The following NAALADL2 variants were observed in gnomAD, a reference collection of about 807,000 sequenced individuals.
NAALADL2 encodes N-acetylated alpha-linked acidic dipeptidase like 2, also known as inactive N-acetylated-alpha-linked acidic dipeptidase-like protein 2.
In NAALADL2, 76 loss-of-function variants were observed where a neutral mutation model predicts 87.2. The ratio of observed to expected loss-of-function variants is 0.87; its 90% CI spans 0.72 to 1.05. The LOEUF (loss-of-function observed/expected upper bound fraction) is 1.05. Ranked by LOEUF, NAALADL2 falls within the 50% of genes least tolerant of loss-of-function variation. The probability of loss-of-function intolerance (pLI) is 0.00; values close to 1 mark genes in which losing one functional copy is unlikely to be tolerated. For synonymous variants in NAALADL2, 354 were observed against 331.0 expected (o/e 1.07, Z -0.75); for missense variants, 1,089 against 945.8 (o/e 1.15, Z -1.99).
intron 2 of NAALADL2, among the ~76,000 whole-genome samples, chr3:175,179,733 A>C (rs2108976790): frequency 6.6e-6 from 1 of 152,048 alleles, no homozygotes; most frequent in Admixed American, 6.6e-5. Context: ...TGGCTTTTTA[A>C]ACTACATAAA....
intron 4 of NAALADL2, among the ~76,000 whole-genome samples, chr3:175,266,843 T>C (rs1056061770): frequency 2.0e-5 from 3 of 152,010 alleles, no homozygotes; most frequent in East Asian, 1.9e-4. Context: ...AATTAAATAA[T>C]AGTACAACCT....
intron 3 of NAALADL2, among the ~76,000 whole-genome samples, chr3:174,797,292 G>GTTTTTCTTT (rs1718217937): frequency 1.8e-5 from 2 of 109,644 alleles, no homozygotes; most frequent in African/African-American, 7.7e-5. Flanking sequence ...TTTTTCTTTT[G>GTTTTTCTTT]TTTTTCTTTT....
intron 2 of NAALADL2, among the ~76,000 whole-genome samples, chr3:174,620,202 G>T (rs750729268): frequency 2.6e-5 from 4 of 151,948 alleles, no homozygotes; most frequent in Non-Finnish European, 5.9e-5. Context: ...ACTTTGAAAG[G>T]CTCTGGGAAT....
At chr3:175,347,610 T>C (rs145779020) in intron 5 of NAALADL2, among the ~76,000 whole-genome samples, 128 of 152,290 alleles carry the variant, frequency 8.4e-4, no homozygotes, top group African/African-American at 3.0e-3. Flanking sequence ...ACAGTGATGA[T>C]GATATGATCC....
chr3:175,598,608 A>C (rs1444619293), intron 10 of NAALADL2, among the ~76,000 whole-genome samples: 1 of 152,128 alleles, frequency 6.6e-6, no homozygotes, highest in African/African-American at 2.4e-5. Context: ...TGGGATAACT[A>C]TTATGACTCA....
At chr3:175,760,357 C>A (rs1363075610) in intron 13 of NAALADL2, among the ~76,000 whole-genome samples, 1 of 152,092 alleles carries the variant, frequency 6.6e-6, no homozygotes, top group Non-Finnish European at 1.5e-5. Flanking sequence ...TTAAGCCTCA[C>A]AGCCTCTGTT....
At chr3:175,801,549 T>G (rs2108351637) in intron 13 of NAALADL2, among the ~76,000 whole-genome samples, 1 of 152,258 alleles carries the variant, frequency 6.6e-6, no homozygotes, top group African/African-American at 2.4e-5. Context: ...TTTTAGCTTT[T>G]TTACTTTCCT....
chr3:175,154,439 C>A (rs76501913), intron 2 of NAALADL2, among the ~76,000 whole-genome samples: 3,299 of 152,128 alleles, frequency 0.022, 52 homozygotes, highest in South Asian at 0.044. Context: ...TGATAGGTAA[C>A]CTTGAGAAAT....
At chr3:175,237,422 A>G (rs1052183782) in intron 3 of NAALADL2, among the ~76,000 whole-genome samples, 1 of 152,164 alleles carries the variant, frequency 6.6e-6, no homozygotes, top group Non-Finnish European at 1.5e-5. Flanking sequence ...TGACAATTTC[A>G]AATCATCAGA....
intron 4 of NAALADL2, among the ~76,000 whole-genome samples, chr3:175,288,586 G>C (rs1397141366): frequency 6.6e-6 from 1 of 152,032 alleles, no homozygotes; most frequent in African/African-American, 2.4e-5. Flanking sequence ...TGCTTTTCTT[G>C]CTGCTCCTTA....
intron 4 of NAALADL2, among the ~76,000 whole-genome samples, chr3:175,312,729 T>G (rs923035189): frequency 6.6e-6 from 1 of 152,126 alleles, no homozygotes; most frequent in Non-Finnish European, 1.5e-5. Flanking sequence ...GAAGCACAAT[T>G]TCAGTGACTG....
chr3:175,155,357 T>A (rs1490494505), intron 2 of NAALADL2, among the ~76,000 whole-genome samples: 1 of 152,146 alleles, frequency 6.6e-6, no homozygotes, highest in African/African-American at 2.4e-5. Context: ...CTTCACCAGG[T>A]GTAACTTGTT....
At chr3:175,221,787 T>G (rs990638913) in intron 2 of NAALADL2, among the ~76,000 whole-genome samples, 3 of 151,882 alleles carry the variant, frequency 2.0e-5, no homozygotes, top group Admixed American at 6.6e-5. Flanking sequence ...ATTTATTTAT[T>G]TTTTTGGAGA....
chr3:175,199,866 T>TG (rs1739743130), intron 2 of NAALADL2, among the ~76,000 whole-genome samples: 1 of 10,046 alleles, frequency 1.0e-4, no homozygotes, highest in African/African-American at 3.5e-4. Context: ...ATATATATAT[T>TG]TTTTTTTTTT....
chr3:174,838,670 A>G (rs972885320), intron 3 of NAALADL2, among the ~76,000 whole-genome samples: 3 of 152,240 alleles, frequency 2.0e-5, no homozygotes, highest in Non-Finnish European at 4.4e-5. Flanking sequence ...ATTAATGTTC[A>G]TAAATCAGTA....
At chr3:175,110,004 G>A (rs6782155) in intron 2 of NAALADL2, among the ~76,000 whole-genome samples, 69,052 of 151,466 alleles carry the variant, frequency 0.46, 15,869 homozygotes, top group East Asian at 0.52. Context: ...TAAAAATATT[G>A]AAAGTACAGT....
At chr3:175,324,135 T>A (rs761803118) in intron 4 of NAALADL2, 40 bp from the exon 5 acceptor site, 1 of 1,588,932 alleles carries the variant, frequency 6.3e-7, no homozygotes, top group East Asian at 2.3e-5. Flanking sequence ...ACTTTTAATG[T>A]GCATGATAAT....
intron 5 of NAALADL2, among the ~76,000 whole-genome samples, chr3:175,354,362 C>G (rs925716834): frequency 6.6e-6 from 1 of 151,996 alleles, no homozygotes; most frequent in Non-Finnish European, 1.5e-5. Context: ...ATATTTGAAA[C>G]AGGATCAATT....
intron 1 of NAALADL2, among the ~76,000 whole-genome samples, chr3:174,877,217 G>A (rs957862997): frequency 6.6e-6 from 1 of 152,050 alleles, no homozygotes; most frequent in African/African-American, 2.4e-5. Flanking sequence ...CTACTTAGAC[G>A]CTTACCTTTT....
Sources: allele counts gnomAD v4.1 joint callset (sites outside exome capture counted in the v4.1 genomes callset), GRCh38; gene constraint gnomAD v4.1.1; transcripts MANE v1.5; gene names NCBI Gene and HGNC (gene_info 2026-07-23, HGNC 2026-07-21).